The following GFRA1 variants were observed in gnomAD, a reference collection of about 807,000 sequenced individuals.
GFRA1 encodes GDNF family receptor alpha 1.
GFRA1 carries 16 observed loss-of-function variants against 51.6 expected under a neutral mutation model. The ratio of observed to expected loss-of-function variants is 0.31; its 90% CI spans 0.21 to 0.47. GFRA1 has a LOEUF of 0.47. Among genes scored for constraint, GFRA1 ranks in the 20% least tolerant of loss-of-function variants. GFRA1 has a pLI of 1.00. For synonymous variants in GFRA1, 270 were observed against 241.3 expected (o/e 1.12, Z -1.10); for missense variants, 530 against 594.3 (o/e 0.89, Z 1.13).
At chr10:116,269,244 A>C (rs1969903941) in intron 4 of GFRA1, among the ~76,000 whole-genome samples, 1 of 152,150 alleles carries the variant, frequency 6.6e-6, no homozygotes, top group Non-Finnish European at 1.5e-5. Flanking sequence ...ATGTGGAAAA[A>C]AAAAAATACT....
chr10:116,081,292 G>A (rs1955839613), intron 9 of GFRA1, among the ~76,000 whole-genome samples: 1 of 152,194 alleles, frequency 6.6e-6, no homozygotes, highest in African/African-American at 2.4e-5. Context: ...TGGTTAGCTC[G>A]GAATTGAGTT....
intron 9 of GFRA1, among the ~76,000 whole-genome samples, chr10:116,071,713 G>C (rs1480618842): frequency 2.0e-5 from 3 of 152,172 alleles, no homozygotes; most frequent in Non-Finnish European, 4.4e-5. Flanking sequence ...ACCTGACTGG[G>C]GACTGGGCCC....
At chr10:116,201,688 T>C (rs1217425095) in intron 5 of GFRA1, among the ~76,000 whole-genome samples, 1 of 152,132 alleles carries the variant, frequency 6.6e-6, no homozygotes, top group East Asian at 1.9e-4. Flanking sequence ...GGGTCTCCAG[T>C]GAAACCGTTG....
At chr10:116,177,131 C>A (rs894799608) in intron 5 of GFRA1, among the ~76,000 whole-genome samples, 3 of 152,080 alleles carry the variant, frequency 2.0e-5, no homozygotes. Context: ...AAGGTGGAGG[C>A]CTGACTATGA....
In GFRA1 at chr10:116,077,801, T is replaced by G. The variant is rs1379719092; in HGVS notation, c.1197+11940A>C. On this transcript the variant is annotated intron_variant, in intron 9 of 10. Transcript: ENST00000355422. ...AGCCCAGCACCTGATGTCGGCAGGC[T>G]GGGGGGGACAGCTTGTCCTCCATGG... 6.6e-5 allele frequency among the ~76,000 whole-genome samples: 10 copies of G among 152,236 alleles called. No individual in the cohort carries two copies. The East Asian group carries it at 1.7e-3, about 26-fold the overall frequency.
chr10:116,179,448 A>T (rs1961990068), intron 5 of GFRA1, among the ~76,000 whole-genome samples: 1 of 152,202 alleles, frequency 6.6e-6, no homozygotes, highest in Non-Finnish European at 1.5e-5. Flanking sequence ...TACTACAATA[A>T]GAAAACTGAA....
intron 5 of GFRA1, among the ~76,000 whole-genome samples, chr10:116,126,558 T>C (rs1957886408): frequency 6.6e-6 from 1 of 152,168 alleles, no homozygotes; most frequent in South Asian, 2.1e-4. Flanking sequence ...GAGAGGGAAG[T>C]GATGGAAAAA....
intron 9 of GFRA1, among the ~76,000 whole-genome samples, chr10:116,082,845 GC>G (rs941605391): frequency 2.0e-5 from 3 of 152,064 alleles, no homozygotes; most frequent in South Asian, 2.1e-4. Context: ...TTCCTCTGTG[GC>G]CCCCCTGCTC....
intron 6 of GFRA1, among the ~76,000 whole-genome samples, chr10:116,104,358 G>A (rs573096285): frequency 1.3e-5 from 2 of 152,156 alleles, no homozygotes; most frequent in Non-Finnish European, 2.9e-5. Flanking sequence ...GGGCTTCCCC[G>A]ATCACTGTTG....
At chr10:116,068,293 C>T (rs935329299) in intron 9 of GFRA1, among the ~76,000 whole-genome samples, 1 of 152,246 alleles carries the variant, frequency 6.6e-6, no homozygotes, top group African/African-American at 2.4e-5. Flanking sequence ...GAAAGCCCTA[C>T]AGCAGCAGAG....
At chr10:116,128,441 G>C (rs1358300607) in intron 5 of GFRA1, among the ~76,000 whole-genome samples, 1 of 152,144 alleles carries the variant, frequency 6.6e-6, no homozygotes, top group African/African-American at 2.4e-5. Context: ...AATTGGCCTA[G>C]TGTGCCAGGT....
At chr10:116,178,548 A>G (rs1370531329) in intron 5 of GFRA1, among the ~76,000 whole-genome samples, 1 of 152,230 alleles carries the variant, frequency 6.6e-6, no homozygotes, top group Non-Finnish European at 1.5e-5. Context: ...TGGGTGCAGA[A>G]AACACATTCA....
At chr10:116,097,034 C>A (rs1021138226) in intron 6 of GFRA1, among the ~76,000 whole-genome samples, 1 of 152,056 alleles carries the variant, frequency 6.6e-6, no homozygotes, top group African/African-American at 2.4e-5. Flanking sequence ...GTCTTCAGGG[C>A]CTATAACTGG....
chr10:116,085,696 C>G (rs1048583677), intron 9 of GFRA1, among the ~76,000 whole-genome samples: 2 of 152,160 alleles, frequency 1.3e-5, no homozygotes, highest in African/African-American at 2.4e-5. Flanking sequence ...TCATCCCCCC[C>G]ATCCTCTAGC....
At chr10:116,193,854 G>A (rs1298650000) in intron 5 of GFRA1, among the ~76,000 whole-genome samples, 1 of 151,870 alleles carries the variant, frequency 6.6e-6, no homozygotes, top group African/African-American at 2.4e-5. Flanking sequence ...TCAGGAGATG[G>A]AGACCATCCT....
intron 5 of GFRA1, among the ~76,000 whole-genome samples, chr10:116,127,417 T>C (rs1314298785): frequency 6.6e-6 from 1 of 152,212 alleles, no homozygotes; most frequent in Non-Finnish European, 1.5e-5. Context: ...ACACCATTAT[T>C]CCCTGGCGCC....
At chr10:116,226,644 G>T in intron 4 of GFRA1, 1 of 205,342 alleles carries the variant, frequency 4.9e-6, no homozygotes, top group South Asian at 6.8e-5. Flanking sequence ...GTGGGGGGAT[G>T]GTTCTGGGTG....
At chr10:116,117,705 C>T (rs547323400) in intron 6 of GFRA1, among the ~76,000 whole-genome samples, 3 of 151,668 alleles carry the variant, frequency 2.0e-5, no homozygotes, top group East Asian at 1.9e-4. Context: ...GAGAGAGGAA[C>T]AAAGGTATGA....
At chr10:116,202,524 C>T (rs1002922636) in intron 5 of GFRA1, among the ~76,000 whole-genome samples, 1 of 152,052 alleles carries the variant, frequency 6.6e-6, no homozygotes, top group South Asian at 2.1e-4. Context: ...AAGAACTAAC[C>T]GAGACTGGGT....
Sources: allele counts gnomAD v4.1 joint callset (sites outside exome capture counted in the v4.1 genomes callset), GRCh38; gene constraint gnomAD v4.1.1; transcripts MANE v1.5; gene names NCBI Gene and HGNC (gene_info 2026-07-23, HGNC 2026-07-21).